ARB2A: variants seen among roughly 807,000 people sequenced by gnomAD.
The protein encoded by ARB2A is cotranscriptional regulator ARB2A.
the ARB2A span, among the ~76,000 whole-genome samples, chr5:93,849,551 A>G: frequency 6.6e-6 from 1 of 152,144 alleles, no homozygotes; most frequent in African/African-American, 2.4e-5. Flanking sequence ...TCAGTTACCA[A>G]TAATTATTCC....
At chr5:93,786,139 A>C in the ARB2A span, among the ~76,000 whole-genome samples, 1 of 152,182 alleles carries the variant, frequency 6.6e-6, no homozygotes, top group Admixed American at 6.5e-5. Context: ...AAAATATTTG[A>C]CTCGGATTTT....
At chr5:94,068,467 A>G in the ARB2A span, among the ~76,000 whole-genome samples, 1 of 152,228 alleles carries the variant, frequency 6.6e-6, no homozygotes, top group African/African-American at 2.4e-5. Flanking sequence ...AAGAGTATGC[A>G]GTTGCAAGAT....
At chr5:94,003,565 T>C in the ARB2A span, among the ~76,000 whole-genome samples, 5 of 152,068 alleles carry the variant, frequency 3.3e-5, no homozygotes, top group Non-Finnish European at 7.4e-5. Flanking sequence ...TATTTCCATA[T>C]ACTAGCAATA....
At chr5:93,636,720 T>A in the ARB2A span, among the ~76,000 whole-genome samples, 1 of 152,248 alleles carries the variant, frequency 6.6e-6, no homozygotes, top group Non-Finnish European at 1.5e-5. Flanking sequence ...ACACTGAGTT[T>A]TCCAATTAAC....
chr5:93,818,027 G>A, the ARB2A span, among the ~76,000 whole-genome samples: 1 of 151,538 alleles, frequency 6.6e-6, no homozygotes, highest in Non-Finnish European at 1.5e-5. Context: ...ATTGAGCAAA[G>A]GATTTGAGTA....
chr5:93,900,164 A>G, the ARB2A span, among the ~76,000 whole-genome samples: 1 of 152,198 alleles, frequency 6.6e-6, no homozygotes, highest in Non-Finnish European at 1.5e-5. Context: ...AAAGTAACAT[A>G]AATACTTTTT....
At chr5:94,089,592 T>TACACACACAC in the ARB2A span, among the ~76,000 whole-genome samples, 1 of 79,752 alleles carries the variant, frequency 1.3e-5, no homozygotes, top group Non-Finnish European at 2.6e-5. Flanking sequence ...TAAAACCGTT[T>TACACACACAC]ATACACACAC....
the ARB2A span, among the ~76,000 whole-genome samples, chr5:93,789,189 T>C: frequency 6.6e-6 from 1 of 152,252 alleles, no homozygotes; most frequent in African/African-American, 2.4e-5. Flanking sequence ...GTTACACATA[T>C]GTACTGTGAG....
At chr5:93,835,609 T>C in the ARB2A span, among the ~76,000 whole-genome samples, 7 of 152,370 alleles carry the variant, frequency 4.6e-5, no homozygotes, top group South Asian at 6.2e-4. Context: ...CTGGTAAGCA[T>C]ATCTATTAAC....
At chr5:93,884,795 T>C in the ARB2A span, among the ~76,000 whole-genome samples, 1 of 151,636 alleles carries the variant, frequency 6.6e-6, no homozygotes, top group African/African-American at 2.4e-5. Flanking sequence ...GTTAAATTAA[T>C]TAATGCAATA....
the ARB2A span, among the ~76,000 whole-genome samples, chr5:93,934,263 C>G: frequency 1.3e-5 from 2 of 152,110 alleles, no homozygotes; most frequent in East Asian, 3.9e-4. Context: ...CCTATAAATT[C>G]TTCTTTATTT....
the ARB2A span, among the ~76,000 whole-genome samples, chr5:93,823,880 G>C: frequency 1.3e-5 from 2 of 152,052 alleles, no homozygotes; most frequent in African/African-American, 2.4e-5. Context: ...GCCTGAACCA[G>C]GGAGTCAGAG....
chr5:93,833,967 T>TTTTAACCCTTGCCCCCTACTTC, the ARB2A span, among the ~76,000 whole-genome samples: 1 of 152,164 alleles, frequency 6.6e-6, no homozygotes, highest in Non-Finnish European at 1.5e-5. Context: ...ACAGTTAGTA[T>TTTTAACCCTTGCCCCCTACTTC]TTTAACCCTT....
At chr5:93,956,386 T>C in the ARB2A span, among the ~76,000 whole-genome samples, 5 of 152,188 alleles carry the variant, frequency 3.3e-5, no homozygotes, top group South Asian at 8.3e-4. Context: ...GGCTCTACTA[T>C]TGAAAAAAGG....
chr5:93,664,610 G>A, the ARB2A span, among the ~76,000 whole-genome samples: 604 of 149,814 alleles, frequency 4.0e-3, 4 homozygotes, highest in African/African-American at 0.014. Context: ...CAGCCTGGGC[G>A]ACAGAGCGAG....
chr5:93,740,880 G>T, the ARB2A span: 35 of 1,613,888 alleles, frequency 2.2e-5, no homozygotes, highest in Non-Finnish European at 3.0e-5. Context: ...ACCGCTGGAA[G>T]AATTTCTCCA....
At chr5:93,983,690 T>C in the ARB2A span, among the ~76,000 whole-genome samples, 1 of 152,170 alleles carries the variant, frequency 6.6e-6, no homozygotes, top group African/African-American at 2.4e-5. Context: ...AGAAAAATAA[T>C]AGTACTTTTG....
chr5:93,865,266 A>C, the ARB2A span: 4 of 336,970 alleles, frequency 1.2e-5, no homozygotes, highest in African/African-American at 2.2e-5. Context: ...TATTTTTAAT[A>C]GAGATGGGGT....
At chr5:93,700,928 T>C in the ARB2A span, among the ~76,000 whole-genome samples, 1 of 152,120 alleles carries the variant, frequency 6.6e-6, no homozygotes, top group Non-Finnish European at 1.5e-5. Flanking sequence ...TTCATAAATT[T>C]ACAATGGTAA....
Sources: allele counts gnomAD v4.1 joint callset (sites outside exome capture counted in the v4.1 genomes callset), GRCh38; gene constraint gnomAD v4.1.1; transcripts MANE v1.5; gene names NCBI Gene and HGNC (gene_info 2026-07-23, HGNC 2026-07-21).